Variants in ADCYAP1R1 observed in about 807,000 individuals in gnomAD.
The protein encoded by ADCYAP1R1 is ADCYAP receptor type I.
Under a neutral mutation model 67.6 loss-of-function variants are expected in ADCYAP1R1, and 44 were observed. That is an observed-to-expected ratio of 0.65 (90% CI 0.51 to 0.84). The LOEUF (loss-of-function observed/expected upper bound fraction) is 0.84, where lower values mean the gene tolerates loss of function less well. Ranked by LOEUF, ADCYAP1R1 falls within the 40% of genes least tolerant of loss-of-function variation. The pLI is 0.00. For missense variants in ADCYAP1R1, 477 were observed against 587.9 expected (o/e 0.81, Z 1.95); for synonymous variants, 222 against 219.6 (o/e 1.01, Z -0.10).
intron 2 of ADCYAP1R1, 89 bp from the exon 3 acceptor site, chr7:31,064,742 C>A: frequency 1.8e-6 from 2 of 1,081,220 alleles, no homozygotes; most frequent in South Asian, 2.7e-5. Flanking sequence ...CCCCACTCCC[C>A]CCAAGACACT....
intron 3 of ADCYAP1R1, among the ~76,000 whole-genome samples, chr7:31,069,562 GC>G (rs1263722420): frequency 6.6e-6 from 1 of 152,196 alleles, no homozygotes; most frequent in African/African-American, 2.4e-5. Flanking sequence ...TGGAACAAGA[GC>G]CCTGATCTGT....
rs1796776721 is a variant in ADCYAP1R1 at position 31,109,571 on chromosome 7, TTGA to T, written c.*2892_*2894del. On this transcript the variant is annotated 3_prime_UTR_variant, in exon 16 of 16. Transcript: ENST00000304166. ...GCAGGCTTGTCAGACTCCACCCCTG[TTGA>T]TGATCATTCCTGGGAAGGGGTTTCT... 6.6e-6 allele frequency: 1 copy of T among 152,304 alleles called. No individual in the cohort carries two copies. Among genetic ancestry groups the T allele is most frequent in the East Asian group, 1.9e-4 (1 of 5,174 alleles). 9.4% of individuals were successfully genotyped at this position (152,304 alleles called of 1,614,324 possible).
In ADCYAP1R1 at chr7:31,107,250, C is replaced by T. The variant is rs1381877400; in HGVS notation, c.*566C>T. Reference sequence around the variant, plus strand: ...CCAGAACACCCCTTGGTGCAGGCCTCCTGGCACTCGCCTGGCATCTTGGTG... The same window carrying T: ...CCAGAACACCCCTTGGTGCAGGCCTTCTGGCACTCGCCTGGCATCTTGGTG... On this transcript the variant is annotated 3_prime_UTR_variant, in exon 16 of 16. Transcript: ENST00000304166. 1 of 152,436 alleles carries T rather than the reference C, an allele frequency of 6.6e-6. No homozygotes were observed. The highest frequency in any genetic ancestry group is 1.5e-5 in the Non-Finnish European group (1 of 68,230). 9.4% of individuals were successfully genotyped at this position (152,436 alleles called of 1,614,324 possible).
intron 4 of ADCYAP1R1, among the ~76,000 whole-genome samples, chr7:31,079,682 T>TC (rs1436038359): frequency 6.6e-6 from 1 of 151,968 alleles, no homozygotes; most frequent in African/African-American, 2.4e-5. Context: ...GGGTCCCAGG[T>TC]CCCCCCGTCT....
chr7:31,071,541 C>A (rs1005997501), intron 3 of ADCYAP1R1, among the ~76,000 whole-genome samples: 1 of 152,206 alleles, frequency 6.6e-6, no homozygotes, highest in African/African-American at 2.4e-5. Context: ...TTGGCCTGGG[C>A]TGCACTCGGC....
intron 3 of ADCYAP1R1, among the ~76,000 whole-genome samples, chr7:31,074,383 G>A (rs747963725): frequency 7.2e-5 from 11 of 152,154 alleles, no homozygotes; most frequent in Non-Finnish European, 1.5e-4. Flanking sequence ...CACAAGGTAG[G>A]CACTCAGTAA....
chr7:31,075,980 C>T (rs921059449), intron 3 of ADCYAP1R1, among the ~76,000 whole-genome samples: 1 of 152,160 alleles, frequency 6.6e-6, no homozygotes, highest in Non-Finnish European at 1.5e-5. Context: ...GGGGCTGGAA[C>T]AGGCAATCAG....
At chr7:31,091,482 T>C (rs1795957386) in intron 12 of ADCYAP1R1, among the ~76,000 whole-genome samples, 1 of 152,232 alleles carries the variant, frequency 6.6e-6, no homozygotes, top group Non-Finnish European at 1.5e-5. Flanking sequence ...CATAAATTCT[T>C]TCCCAAGGCC....
chr7:31,063,422 G>C, intron 2 of ADCYAP1R1, 107 bp downstream of exon 2: 1 of 1,313,536 alleles, frequency 7.6e-7, no homozygotes, highest in Non-Finnish European at 1.1e-6. Context: ...CATCTGGCTG[G>C]TATTTCTGCC....
At chr7:31,072,471 C>G (rs544653113) in intron 3 of ADCYAP1R1, among the ~76,000 whole-genome samples, 5 of 152,306 alleles carry the variant, frequency 3.3e-5, no homozygotes, top group Non-Finnish European at 7.3e-5. Flanking sequence ...AGTGTGTTGC[C>G]AAGCCCTGTC....
intron 1 of ADCYAP1R1, among the ~76,000 whole-genome samples, chr7:31,054,998 G>A (rs992545181): frequency 2.6e-5 from 4 of 152,262 alleles, no homozygotes; most frequent in Admixed American, 6.5e-5. Context: ...TGGTCCAGCC[G>A]CCTGGCAAGA....
intron 13 of ADCYAP1R1, chr7:31,100,215 G>T: frequency 6.4e-7 from 1 of 1,550,548 alleles, no homozygotes; most frequent in Non-Finnish European, 8.7e-7. Context: ...TACTCTGTAA[G>T]TGTGCGTGGC....
chr7:31,084,142 C>A lies in ADCYAP1R1; in HGVS notation c.330C>A (p.Asp110Glu), dbSNP rs768500521. The A allele has an allele frequency of 6.2e-7, 1 of 1,613,954 alleles. No individual in the cohort carries two copies. Among genetic ancestry groups the A allele is most frequent in the Non-Finnish European group, 8.5e-7 (1 of 1,179,864 alleles). The change falls in exon 7 of 16, where the codon GAC becomes GAA. Residue 110 changes from aspartate (D) to glutamate (E), a missense_variant and splice_region_variant. Transcript: ENST00000304166. Reference sequence around the variant, plus strand: ...CGCTGAGTTTTCTTTTTGCTGCAGACATGGGAGTGGTGAGCCGGAACTGCA... The same window carrying A: ...CGCTGAGTTTTCTTTTTGCTGCAGAAATGGGAGTGGTGAGCCGGAACTGCA... ...FGDSNSLDLSDMGVVSRNCTE... is the reference protein window; with the variant it reads ...FGDSNSLDLSEMGVVSRNCTE...
At chr7:31,080,660 C>T (rs1266706323) in intron 5 of ADCYAP1R1, 27 bp downstream of exon 5, 2 of 1,612,586 alleles carry the variant, frequency 1.2e-6, no homozygotes, top group African/African-American at 1.3e-5. Context: ...TGAGGATAGA[C>T]CGCTGTCTTT....
chr7:31,088,124 A>G (rs1795828785), intron 12 of ADCYAP1R1, among the ~76,000 whole-genome samples: 1 of 152,222 alleles, frequency 6.6e-6, no homozygotes, highest in African/African-American at 2.4e-5. Flanking sequence ...TTTTTTGCAC[A>G]GGCTTCTGGA....
chr7:31,068,215 G>GCA (rs1554300587), intron 3 of ADCYAP1R1, among the ~76,000 whole-genome samples: 8,982 of 149,956 alleles, frequency 0.06, 478 homozygotes, highest in African/African-American at 0.15. Context: ...ATGTGCGCGC[G>GCA]CACACACACA....
Position 31,109,620 on chromosome 7 carries a change from G to A in ADCYAP1R1, c.*2936G>A, listed in dbSNP as rs568040715. The A allele has an allele frequency of 6.6e-6, 1 of 152,278 alleles. No homozygotes were observed. The highest frequency in any genetic ancestry group is 1.5e-5 in the Non-Finnish European group (1 of 68,022). 9.4% of individuals were successfully genotyped at this position (152,278 alleles called of 1,614,324 possible). A position where few individuals can be genotyped will look rare whatever the true frequency, so the allele number is the denominator to read the frequency against. ...TTTCTCGTTCTATGCAATCCTAAAGGACGAAACTCACCCATGGGAGGCCGA... is the reference window on the plus strand; with the variant it reads ...TTTCTCGTTCTATGCAATCCTAAAGAACGAAACTCACCCATGGGAGGCCGA... On this transcript the variant is annotated 3_prime_UTR_variant, in exon 16 of 16. Coordinates refer to ENST00000304166, the MANE Select transcript of ADCYAP1R1 (RefSeq NM_001118.5).
At chr7:31,096,306 A>G (rs1386691228) in intron 13 of ADCYAP1R1, among the ~76,000 whole-genome samples, 2 of 152,104 alleles carry the variant, frequency 1.3e-5, no homozygotes, top group Admixed American at 1.3e-4. Context: ...GGATGCACAC[A>G]TCTCTGGAGA....
chr7:31,057,995 G>A lies in ADCYAP1R1; in HGVS notation c.-71-5199G>A, dbSNP rs572296465. ...CATGATGGGCAGATGAGAGTCCCAGGGCTGTGTGGCCCAAAGAAGAGGTGG... is the reference window on the plus strand; with the variant it reads ...CATGATGGGCAGATGAGAGTCCCAGAGCTGTGTGGCCCAAAGAAGAGGTGG... On this transcript the variant is annotated intron_variant, in intron 1 of 15. Transcript: ENST00000304166. 9.8e-5 allele frequency among the ~76,000 whole-genome samples: 15 copies of A among 152,318 alleles called. No homozygotes were observed. The Middle Eastern group carries it at 0.01, about 104-fold the overall frequency.
Sources: gnomAD v4.1 joint callset for allele counts (sites outside exome capture counted in the v4.1 genomes callset) on GRCh38, gnomAD v4.1.1 for gene constraint, MANE v1.5 for transcripts, NCBI Gene and HGNC (gene_info 2026-07-23, HGNC 2026-07-21) for gene names.